The following DPYSL3 variants were observed in gnomAD, a reference collection of about 807,000 sequenced individuals.
DPYSL3 encodes dihydropyrimidinase like 3.
A neutral mutation model predicts 66.1 loss-of-function variants in DPYSL3; 16 were observed. The ratio of observed to expected loss-of-function variants is 0.24; its 90% CI spans 0.16 to 0.37. The LOEUF is 0.37. Among genes scored for constraint, DPYSL3 ranks in the 10% least tolerant of loss-of-function variants. The pLI is 1.00. For synonymous variants in DPYSL3, 338 were observed against 345.1 expected (o/e 0.98, Z 0.23); for missense variants, 738 against 916.2 (o/e 0.81, Z 2.51).
chr5:147,444,164 C>T (rs1752587697), intron 1 of DPYSL3, among the ~76,000 whole-genome samples: 1 of 152,068 alleles, frequency 6.6e-6, no homozygotes, highest in Admixed American at 6.5e-5. Context: ...AAGGTAGCAC[C>T]ATACCGTGGG....
At chr5:147,400,022 T>A (rs60814509) in intron 10 of DPYSL3, among the ~76,000 whole-genome samples, 5,837 of 152,056 alleles carry the variant, frequency 0.038, 388 homozygotes, top group African/African-American at 0.13. Context: ...TGTAGATTAA[T>A]GAGGCTTTAG....
At chr5:147,417,112 T>G (rs1751986449) in intron 3 of DPYSL3, among the ~76,000 whole-genome samples, 1 of 152,224 alleles carries the variant, frequency 6.6e-6, no homozygotes, top group Non-Finnish European at 1.5e-5. Context: ...AGGACACAAT[T>G]GCTTTTGTGG....
At chr5:147,413,062 AC>A (rs551514885) in intron 5 of DPYSL3, among the ~76,000 whole-genome samples, 347 of 152,344 alleles carry the variant, frequency 2.3e-3, no homozygotes, top group African/African-American at 6.9e-3. Flanking sequence ...CAGGCCAGAA[AC>A]AAACACAAAA....
chr5:147,423,161 A>G (rs1752118337), intron 2 of DPYSL3, among the ~76,000 whole-genome samples: 1 of 152,224 alleles, frequency 6.6e-6, no homozygotes, highest in South Asian at 2.1e-4. Flanking sequence ...TTTAGTTAAT[A>G]GAAAAACATA....
intron 1 of DPYSL3, among the ~76,000 whole-genome samples, chr5:147,439,748 T>G (rs1009987333): frequency 3.9e-5 from 6 of 151,940 alleles, no homozygotes; most frequent in African/African-American, 1.5e-4. Context: ...TGAGAAGTGG[T>G]TGGCTTAATA....
intron 1 of DPYSL3, among the ~76,000 whole-genome samples, chr5:147,464,799 G>T (rs976420621): frequency 6.6e-6 from 1 of 152,074 alleles, no homozygotes; most frequent in East Asian, 1.9e-4. Flanking sequence ...GACAATAATG[G>T]GTCTTACTGT....
At chr5:147,398,324 A>G (rs1290089614) in intron 11 of DPYSL3, among the ~76,000 whole-genome samples, 1 of 152,232 alleles carries the variant, frequency 6.6e-6, no homozygotes, top group East Asian at 1.9e-4. Context: ...TGTACTGCCA[A>G]TAATTAAGAA....
In DPYSL3 at chr5:147,393,915, C is replaced by A; in HGVS notation, c.*120G>T. On this transcript the variant is annotated 3_prime_UTR_variant, in exon 14 of 14. Coordinates refer to ENST00000343218, the MANE Select transcript of DPYSL3 (RefSeq NM_001197294.2). Reference sequence around the variant, plus strand: ...CATTGGAGAAACATAAGGCTTGAGGCTTATTGATTCTTTAGATCACAACCG... The same window carrying A: ...CATTGGAGAAACATAAGGCTTGAGGATTATTGATTCTTTAGATCACAACCG... The A allele has an allele frequency of 2.1e-6, 2 of 974,340 alleles. No individual in the cohort carries two copies. Among genetic ancestry groups the A allele is most frequent in the African/African-American group, 1.6e-5 (1 of 61,520 alleles). 60.4% of individuals were successfully genotyped at this position (974,340 alleles called of 1,614,324 possible). A position where few individuals can be genotyped will look rare whatever the true frequency, so the allele number is the denominator to read the frequency against.
rs538236728 is a variant in DPYSL3 at position 147,457,501 on chromosome 5, G to T, written c.382-32538C>A. ...CTAAAGGGCATGTAGTTAGAATGTAGATTTTACAGTATCTATATTTGCTTC... is the reference window on the plus strand; with the variant it reads ...CTAAAGGGCATGTAGTTAGAATGTATATTTTACAGTATCTATATTTGCTTC... On this transcript the variant is annotated intron_variant, in intron 1 of 13. Coordinates refer to ENST00000343218, the MANE Select transcript of DPYSL3 (RefSeq NM_001197294.2). Among the ~76,000 whole-genome samples the T allele has an allele frequency of 8.5e-5, 13 of 152,328 alleles. No individual in the cohort carries two copies. The South Asian group carries it at 2.7e-3, about 32-fold the overall frequency.
rs187822235 is a variant in DPYSL3 at position 147,476,906 on chromosome 5, C to A, written c.381+32572G>T. Among the ~76,000 whole-genome samples, 246 of 152,224 alleles carry A rather than the reference C, an allele frequency of 1.6e-3. 2 individuals carry two copies. The highest frequency in any genetic ancestry group is 9.0e-4 in the Non-Finnish European group (61 of 68,020). ...AACAAAAGCATTAGAAAGAGACACC[C>A]TTTAGATGCTTTAGAATCAGGTTCA... On this transcript the variant is annotated intron_variant, in intron 1 of 13. Transcript: ENST00000343218.
chr5:147,395,595 C>G lies in DPYSL3; in HGVS notation c.1930G>C (p.Val644Leu). 1 of 1,613,848 alleles carries G rather than the reference C, an allele frequency of 6.2e-7. No individual in the cohort carries two copies. The highest frequency in any genetic ancestry group is 8.5e-7 in the Non-Finnish European group (1 of 1,179,926). The change falls in exon 13 of 14, where the codon GTG (valine) becomes CTG (leucine). Residue 644 changes from valine to leucine, a missense_variant. Physicochemically the swap from Val to Leu is conservative, Grantham distance 32. Transcript: ENST00000343218. Reference sequence around the variant, plus strand: ...AATCCCGACTGATGAAGATTCCTCACAGGTGGGTTCGGCCGAGTAGGAGAG... The same window carrying G: ...AATCCCGACTGATGAAGATTCCTCAGAGGTGGGTTCGGCCGAGTAGGAGAG... ...RGSPTRPNPP[V>L]RNLHQSGFSL...
At chr5:147,409,661 C>A (rs1488226130) in intron 6 of DPYSL3, among the ~76,000 whole-genome samples, 3 of 152,162 alleles carry the variant, frequency 2.0e-5, no homozygotes, top group Non-Finnish European at 2.9e-5. Context: ...CTGATTGGAA[C>A]TGGCAGAAAT....
intron 11 of DPYSL3, among the ~76,000 whole-genome samples, chr5:147,398,641 TA>T (rs762148665): frequency 9.2e-5 from 14 of 152,216 alleles, no homozygotes; most frequent in Non-Finnish European, 1.6e-4. Context: ...GTTTACCAGT[TA>T]TTTCCTATTC....
intron 1 of DPYSL3, among the ~76,000 whole-genome samples, chr5:147,507,034 C>CTA (rs2126465658): frequency 6.6e-6 from 1 of 152,308 alleles, no homozygotes; most frequent in South Asian, 2.1e-4. Context: ...TTGCCACATA[C>CTA]TATACACAGA....
Position 147,466,782 on chromosome 5 carries a change from C to T in DPYSL3, c.382-41819G>A, listed in dbSNP as rs79248456. ...TTTGGCTGTGTTGTTTGTGTTTTTC[C>T]CTCCTGTTTCCTGTACTCAGCTATA... On this transcript the variant is annotated intron_variant, in intron 1 of 13. Coordinates refer to ENST00000343218, the MANE Select transcript of DPYSL3 (RefSeq NM_001197294.2). Among the ~76,000 whole-genome samples the T allele has an allele frequency of 5.8e-3, 882 of 152,244 alleles. 31 individuals carry two copies. The East Asian group carries it at 0.11, about 19-fold the overall frequency.
intron 1 of DPYSL3, among the ~76,000 whole-genome samples, chr5:147,492,323 G>A (rs1164877794): frequency 1.3e-5 from 2 of 151,826 alleles, no homozygotes; most frequent in East Asian, 3.9e-4. Flanking sequence ...TCAGAAACTT[G>A]GATCTACATA....
In DPYSL3 at chr5:147,509,839, C is replaced by A; in HGVS notation, c.20G>T (p.Gly7Val). 1.3e-6 allele frequency: 2 copies of A among 1,530,352 alleles called. No homozygotes were observed. Among genetic ancestry groups the A allele is most frequent in the Non-Finnish European group, 1.8e-6 (2 of 1,142,748 alleles). The allele number at this position is 1,530,352 out of a possible 1,614,324, so 94.8% of individuals were successfully genotyped here. ...ATCGTCTTCGTGGGAGCTGTCCCAG[C>A]CCCTCCGGCCCGAGGCCATGGTTCA... MASGRR[G>V]WDSSHEDDLP... The change falls in exon 1 of 14, where the codon GGC becomes GTC. Residue 7 changes from glycine (G) to valine (V), a missense_variant. Gly to Val is a moderately radical substitution (Grantham distance 109, BLOSUM62 -3). Transcript: ENST00000343218. The surrounding 1 kb of genome is among the most constrained non-coding windows in gnomAD (Gnocchi z 5.3).
At chr5:147,405,445 G>A (rs10045916) in intron 8 of DPYSL3, among the ~76,000 whole-genome samples, 165 bp downstream of exon 8, 5,325 of 152,286 alleles carry the variant, frequency 0.035, 309 homozygotes, top group African/African-American at 0.12. Flanking sequence ...TGCCAAGTGG[G>A]AGAAATCCCA....
chr5:147,399,425 C>T (rs1432836), intron 10 of DPYSL3, among the ~76,000 whole-genome samples, 173 bp from the exon 11 acceptor site: 67,378 of 152,040 alleles, frequency 0.44, 15,327 homozygotes, highest in East Asian at 0.54. Context: ...GCTGGGCTGT[C>T]GTGACTACTC....
Sources: allele counts gnomAD v4.1 joint callset (sites outside exome capture counted in the v4.1 genomes callset), GRCh38; gene constraint gnomAD v4.1.1; non-coding constraint Gnocchi (gnomAD v3.1); transcripts MANE v1.5; gene names NCBI Gene and HGNC (gene_info 2026-07-23, HGNC 2026-07-21).